Variants in ADAMTS3 observed in about 807,000 individuals in gnomAD.
ADAMTS3 encodes the protein ADAM metallopeptidase with thrombospondin type 1 motif 3, also known as A disintegrin and metalloproteinase with thrombospondin motifs 3.
ADAMTS3 carries 73 observed loss-of-function variants against 129.0 expected under a neutral mutation model. That is an observed-to-expected ratio of 0.57 (90% CI 0.47 to 0.69). The LOEUF is 0.69. ADAMTS3 is among the 30% of genes least tolerant of loss of function. The probability of loss-of-function intolerance (pLI) is 0.00; values close to 1 mark genes in which losing one functional copy is unlikely to be tolerated. For synonymous variants in ADAMTS3, 477 were observed against 510.8 expected (o/e 0.93, Z 0.89); for missense variants, 1,457 against 1,514.5 (o/e 0.96, Z 0.63).
intron 3 of ADAMTS3, among the ~76,000 whole-genome samples, chr4:72,433,789 A>G (rs573275825): frequency 3.9e-5 from 6 of 152,064 alleles, no homozygotes; most frequent in African/African-American, 1.2e-4. Context: ...TTATCAAAAG[A>G]AGAGCAGAGT....
intron 3 of ADAMTS3, among the ~76,000 whole-genome samples, chr4:72,538,121 A>G (rs1721227430): frequency 6.6e-6 from 1 of 152,206 alleles, no homozygotes; most frequent in Non-Finnish European, 1.5e-5. Context: ...AAAAGTGAAC[A>G]GAGGCTAAAG....
chr4:72,415,466 G>A (rs1722280985), intron 3 of ADAMTS3, among the ~76,000 whole-genome samples: 4 of 151,898 alleles, frequency 2.6e-5, no homozygotes, highest in African/African-American at 9.7e-5. Flanking sequence ...CCTTCAGTAT[G>A]TAAAGTTATT....
At chr4:72,439,095 A>G (rs1460801052) in intron 3 of ADAMTS3, among the ~76,000 whole-genome samples, 1 of 151,768 alleles carries the variant, frequency 6.6e-6, no homozygotes, top group Non-Finnish European at 1.5e-5. Flanking sequence ...ATTTTAGGTA[A>G]AGTCAAAATT....
At chr4:72,428,959 G>A (rs1005328861) in intron 3 of ADAMTS3, among the ~76,000 whole-genome samples, 1 of 151,980 alleles carries the variant, frequency 6.6e-6, no homozygotes, top group Non-Finnish European at 1.5e-5. Context: ...AAAGTAGGTC[G>A]CAAACTTTAG....
chr4:72,529,798 TAATA>T (rs1445598643), intron 3 of ADAMTS3, among the ~76,000 whole-genome samples: 3 of 96,182 alleles, frequency 3.1e-5, no homozygotes, highest in Non-Finnish European at 5.7e-5. Context: ...TAATTTAATA[TAATA>T]TATATTATAT....
At chr4:72,459,830 G>T (rs1434815087) in intron 3 of ADAMTS3, among the ~76,000 whole-genome samples, 2 of 151,342 alleles carry the variant, frequency 1.3e-5, no homozygotes, top group African/African-American at 4.8e-5. Context: ...GAGATATCTT[G>T]GGAATGGGAC....
chr4:72,383,102 C>CTT (rs775168774), intron 4 of ADAMTS3, among the ~76,000 whole-genome samples: 2 of 146,426 alleles, frequency 1.4e-5, no homozygotes, highest in African/African-American at 5.0e-5. Context: ...AGAAGGAATG[C>CTT]TTTTTTTTTT....
chr4:72,408,402 C>G (rs1193841062), intron 4 of ADAMTS3, among the ~76,000 whole-genome samples: 1 of 151,640 alleles, frequency 6.6e-6, no homozygotes, highest in African/African-American at 2.4e-5. Flanking sequence ...TGCACACACA[C>G]AGACACACAA....
At chr4:72,400,046 C>T (rs62651494) in intron 4 of ADAMTS3, among the ~76,000 whole-genome samples, 19 of 47,720 alleles carry the variant, frequency 4.0e-4, no homozygotes, top group African/African-American at 4.8e-4. Flanking sequence ...TATGCACACA[C>T]GGTGTGTATA....
intron 19 of ADAMTS3, 149 bp downstream of exon 19, chr4:72,295,505 G>A (rs1394298637): frequency 4.1e-6 from 3 of 731,782 alleles, no homozygotes; most frequent in Non-Finnish European, 6.1e-6. Context: ...CAGAACTGCA[G>A]CTTTATATAA....
intron 3 of ADAMTS3, among the ~76,000 whole-genome samples, chr4:72,465,710 GT>G (rs545756096): frequency 2.1e-3 from 315 of 152,030 alleles, no homozygotes; most frequent in African/African-American, 7.2e-3. Context: ...AGTTGATATG[GT>G]TTCCCTGTGT....
chr4:72,525,932 T>C (rs1022454179), intron 3 of ADAMTS3, among the ~76,000 whole-genome samples: 1 of 152,136 alleles, frequency 6.6e-6, no homozygotes, highest in Non-Finnish European at 1.5e-5. Flanking sequence ...TACCTGTGAA[T>C]AGCACAAATC....
intron 3 of ADAMTS3, among the ~76,000 whole-genome samples, chr4:72,528,892 C>T (rs1720885263): frequency 1.3e-5 from 2 of 152,006 alleles, no homozygotes; most frequent in Admixed American, 6.6e-5. Flanking sequence ...AAAGAGTTCT[C>T]CTCAGTAGAC....
At chr4:72,403,858 G>T (rs1264613611) in intron 4 of ADAMTS3, among the ~76,000 whole-genome samples, 1 of 151,914 alleles carries the variant, frequency 6.6e-6, no homozygotes, top group African/African-American at 2.4e-5. Flanking sequence ...TGCACAATGG[G>T]AATAATTTTG....
chr4:72,325,687 G>A (rs766702637), intron 5 of ADAMTS3, among the ~76,000 whole-genome samples: 1 of 152,154 alleles, frequency 6.6e-6, no homozygotes, highest in Non-Finnish European at 1.5e-5. Context: ...AATTTCTGGA[G>A]AAGGAGAAGT....
intron 3 of ADAMTS3, among the ~76,000 whole-genome samples, chr4:72,426,146 C>G (rs1365116057): frequency 6.6e-6 from 1 of 152,190 alleles, no homozygotes; most frequent in East Asian, 1.9e-4. Flanking sequence ...TGAGAAGTGT[C>G]TGTTCATATC....
chr4:72,456,760 T>C (rs376441405), intron 3 of ADAMTS3, among the ~76,000 whole-genome samples: 13 of 151,544 alleles, frequency 8.6e-5, no homozygotes, highest in African/African-American at 3.1e-4. Flanking sequence ...CACAGAATGG[T>C]AGGCTCCTCT....
chr4:72,527,188 C>A (rs188519966), intron 3 of ADAMTS3, among the ~76,000 whole-genome samples: 3 of 152,250 alleles, frequency 2.0e-5, no homozygotes, highest in African/African-American at 7.2e-5. Context: ...TGTGCTCTTA[C>A]TTCTCAAAAT....
At chr4:72,518,371 A>G (rs1185799724) in intron 3 of ADAMTS3, among the ~76,000 whole-genome samples, 1 of 152,162 alleles carries the variant, frequency 6.6e-6, no homozygotes, top group African/African-American at 2.4e-5. Flanking sequence ...TGCAGAGCTG[A>G]GTTCAATTCC....
Sources: gnomAD v4.1 joint callset for allele counts (sites outside exome capture counted in the v4.1 genomes callset) on GRCh38, gnomAD v4.1.1 for gene constraint, MANE v1.5 for transcripts, NCBI Gene and HGNC (gene_info 2026-07-23, HGNC 2026-07-21) for gene names.